The following RYR2 variants were observed in gnomAD, a reference collection of about 807,000 sequenced individuals.
RYR2 encodes the protein ryanodine receptor 2.
RYR2 carries 227 observed loss-of-function variants against 601.1 expected under a neutral mutation model. The ratio of observed to expected loss-of-function variants is 0.38; its 90% CI spans 0.34 to 0.42. The LOEUF (loss-of-function observed/expected upper bound fraction) is 0.42, where lower values mean the gene tolerates loss of function less well. Among genes scored for constraint, RYR2 ranks in the 10% least tolerant of loss-of-function variants. The pLI, the probability that RYR2 is intolerant of heterozygous loss-of-function variation, is 1.00. For synonymous variants in RYR2, 2,223 were observed against 2,175.1 expected, an observed-to-expected ratio of 1.02 and a Z score of -0.61; for missense variants, 4,646 against 6,156.5, an observed-to-expected ratio of 0.75 and a Z score of 8.21.
chr1:237,281,262 G>C (rs952912764), intron 2 of RYR2, among the ~76,000 whole-genome samples: 20 of 152,154 alleles, frequency 1.3e-4, no homozygotes, highest in Admixed American at 6.5e-5. Context: ...CAACATCAGT[G>C]TCTTGCCTTA....
chr1:237,671,483 C>T (rs910974714), intron 58 of RYR2, among the ~76,000 whole-genome samples: 4 of 151,598 alleles, frequency 2.6e-5, no homozygotes, highest in African/African-American at 7.3e-5. Context: ...TCTGTCACCA[C>T]CTGATGTCTT....
intron 81 of RYR2, 96 bp from the exon 82 acceptor site, chr1:237,757,601 C>A: frequency 1.3e-6 from 1 of 779,652 alleles, no homozygotes; most frequent in South Asian, 1.5e-5. Context: ...CCTGGGGGGG[C>A]ATAATAATAA....
At chr1:237,382,131 T>C (rs571411949) in intron 8 of RYR2, among the ~76,000 whole-genome samples, 6 of 152,284 alleles carry the variant, frequency 3.9e-5, no homozygotes, top group Admixed American at 2.0e-4. Context: ...AATCTGTGGA[T>C]TGGATTGTTT....
At chr1:237,438,055 CTT>C (rs1183597111) in intron 12 of RYR2, among the ~76,000 whole-genome samples, 10 of 152,054 alleles carry the variant, frequency 6.6e-5, no homozygotes, top group African/African-American at 2.4e-4. Context: ...TACTGATTAA[CTT>C]TTAATTTCAT....
At chr1:237,107,355 A>G (rs1382917584) in intron 1 of RYR2, among the ~76,000 whole-genome samples, 2 of 151,208 alleles carry the variant, frequency 1.3e-5, no homozygotes, top group Non-Finnish European at 3.0e-5. Context: ...CCCCGTCTCT[A>G]CTAAAAATAC....
chr1:237,456,631 A>AGGTTG lies in RYR2; in HGVS notation c.1508_1509insGGTTG (p.Asp503GlufsTer30). 6.2e-7 allele frequency: 1 copy of AGGTTG among 1,605,268 alleles called. No individual in the cohort carries two copies. Among genetic ancestry groups the AGGTTG allele is most frequent in the Non-Finnish European group, 8.5e-7 (1 of 1,174,756 alleles). On this transcript the variant is annotated frameshift_variant, in exon 16 of 105. Coordinates refer to ENST00000366574, the MANE Select transcript of RYR2 (RefSeq NM_001035.3). LOFTEE classifies it high-confidence loss of function. ...ATCAACCTCGTGCTTGAGTGCATAGACCGTTTGCACGTCTACAGCAGTGCA... is the reference window on the plus strand; with the variant it reads ...ATCAACCTCGTGCTTGAGTGCATAGAGGTTGCCGTTTGCACGTCTACAGCAGTGCA...
At chr1:237,203,382 T>A (rs935426420) in intron 1 of RYR2, among the ~76,000 whole-genome samples, 5 of 152,236 alleles carry the variant, frequency 3.3e-5, no homozygotes. Flanking sequence ...CAATATCTGA[T>A]GTTGGCTAAG....
At chr1:237,794,087 T>G in intron 95 of RYR2, 90 bp downstream of exon 95, 1 of 1,118,104 alleles carries the variant, frequency 8.9e-7, no homozygotes, top group Non-Finnish European at 1.3e-6. Context: ...TGTCAAAAGT[T>G]TAGCAGAGGT....
rs2998402 is a variant in RYR2 at position 237,441,748 on chromosome 1, T to C, written c.1170+265T>C. 0.17 allele frequency among the ~76,000 whole-genome samples: 26,264 copies of C among 152,036 alleles called. 5,905 individuals are homozygous for C. The highest frequency in any genetic ancestry group is 0.52 in the African/African-American group (21,441 of 41,400). On this transcript the variant is annotated intron_variant, in intron 13 of 104. Coordinates refer to ENST00000366574, the MANE Select transcript of RYR2 (RefSeq NM_001035.3). ...TACAGTGCCGTCTTCTGGATTCTAG[T>C]TTAGTACCGTTCACTTTGTCCTCCA... is the stretch of plus-strand genomic sequence containing the variant.
chr1:237,585,333 T>C (rs1674411173), intron 29 of RYR2, among the ~76,000 whole-genome samples: 1 of 152,206 alleles, frequency 6.6e-6, no homozygotes, highest in Non-Finnish European at 1.5e-5. Flanking sequence ...TAATAACGAT[T>C]CCTATCTCAT....
intron 10 of RYR2, among the ~76,000 whole-genome samples, chr1:237,414,755 C>G (rs1332751916): frequency 6.6e-6 from 1 of 152,142 alleles, no homozygotes; most frequent in Non-Finnish European, 1.5e-5. Flanking sequence ...ATAGTGCTAT[C>G]AAATACTAGA....
At chr1:237,606,715 C>T (rs1677166218) in intron 35 of RYR2, among the ~76,000 whole-genome samples, 1 of 151,970 alleles carries the variant, frequency 6.6e-6, no homozygotes, top group Non-Finnish European at 1.5e-5. Flanking sequence ...ACAAAGAACT[C>T]AAACAAATTT....
Position 237,833,726 on chromosome 1 carries a change from G to C in RYR2, c.*1079G>C, listed in dbSNP as rs1402169043. ...CAGTTTTGTTGATTAAGGACTTCTT[G>C]TCAGGCCATTTTTTAATATCAAAGC... is the stretch of plus-strand genomic sequence containing the variant. On this transcript the variant is annotated 3_prime_UTR_variant, in exon 105 of 105. Coordinates refer to ENST00000366574, the MANE Select transcript of RYR2 (RefSeq NM_001035.3). The C allele has an allele frequency of 1.3e-5, 2 of 152,542 alleles. No homozygotes were observed. The highest frequency in any genetic ancestry group is 2.9e-5 in the Non-Finnish European group (2 of 68,028). The allele number at this position is 152,542 out of a possible 1,614,324, so 9.4% of individuals were successfully genotyped here. A position where few individuals can be genotyped will look rare whatever the true frequency, so the allele number is the denominator to read the frequency against.
chr1:237,786,650 A>G (rs554761560), intron 91 of RYR2, among the ~76,000 whole-genome samples: 1 of 152,226 alleles, frequency 6.6e-6, no homozygotes, highest in South Asian at 2.1e-4. Flanking sequence ...ATGAAAATGC[A>G]TAACTCCCTC....
At chr1:237,651,762 G>A (rs1267275540) in intron 51 of RYR2, among the ~76,000 whole-genome samples, 1 of 151,862 alleles carries the variant, frequency 6.6e-6, no homozygotes, top group African/African-American at 2.4e-5. Flanking sequence ...CACAGGCCGG[G>A]CGCGGTGGCT....
chr1:237,707,435 T>C (rs1033188990), intron 68 of RYR2, among the ~76,000 whole-genome samples, 166 bp downstream of exon 68: 1 of 152,224 alleles, frequency 6.6e-6, no homozygotes, highest in African/African-American at 2.4e-5. Flanking sequence ...AAAACAGGCA[T>C]TGGGTATATG....
At chr1:237,579,257 T>C (rs1447706435) in intron 29 of RYR2, among the ~76,000 whole-genome samples, 105 of 140,334 alleles carry the variant, frequency 7.5e-4, no homozygotes, top group African/African-American at 1.8e-3. Context: ...TCTTTTTTTT[T>C]TTTTTTTTTT....
intron 1 of RYR2, among the ~76,000 whole-genome samples, chr1:237,184,877 G>GCTT (rs566852564): frequency 5.6e-5 from 8 of 142,532 alleles, no homozygotes; most frequent in Non-Finnish European, 1.2e-4. Flanking sequence ...TGTGAAGAGG[G>GCTT]TTTTTTTTTT....
At chr1:237,220,884 T>C (rs1366723509) in intron 1 of RYR2, among the ~76,000 whole-genome samples, 1 of 152,014 alleles carries the variant, frequency 6.6e-6, no homozygotes, top group African/African-American at 2.4e-5. Context: ...AGGTCAGGAA[T>C]TTGAAACCAG....
Sources: gnomAD v4.1 joint callset for allele counts (sites outside exome capture counted in the v4.1 genomes callset) on GRCh38, gnomAD v4.1.1 for gene constraint, MANE v1.5 for transcripts, NCBI Gene and HGNC (gene_info 2026-07-23, HGNC 2026-07-21) for gene names.